CACNA1E: variants seen among roughly 807,000 people sequenced by gnomAD.
CACNA1E encodes calcium voltage-gated channel subunit alpha1 E.
A neutral mutation model predicts 259.2 loss-of-function variants in CACNA1E; 40 were observed. The observed-to-expected ratio is 0.15, with a 90% CI of 0.12 to 0.20. The LOEUF (loss-of-function observed/expected upper bound fraction) is 0.20, where lower values mean the gene tolerates loss of function less well. CACNA1E is among the 10% of genes least tolerant of loss of function. The pLI is 1.00. For missense variants in CACNA1E, 1,874 were observed against 3,040.1 expected (o/e 0.62, Z 9.02); for synonymous variants, 1,104 against 1,138.5 (o/e 0.97, Z 0.61).
intron 1 of CACNA1E, among the ~76,000 whole-genome samples, chr1:181,363,582 C>T (rs1290463994): frequency 1.3e-5 from 2 of 152,186 alleles, no homozygotes; most frequent in Admixed American, 6.5e-5. Context: ...CCAGCCTCAG[C>T]CTGACCCCTC....
rs146441036 is a variant in CACNA1E, at chr1:181,477,146, T to C, written c.435-6598T>C. 7.7e-3 allele frequency among the ~76,000 whole-genome samples: 1,175 copies of C among 152,142 alleles called. 13 individuals are homozygous for C. Among genetic ancestry groups the C allele is most frequent in the African/African-American group, 0.025 (1,026 of 41,476 alleles). On this transcript the variant is annotated intron_variant, in intron 2 of 11. Transcript: ENST00000524607. ...AATTAACTCCATGCATCTTGTGTAC[T>C]GCCCCCCTCCCCACCCCCCAAAACA...
intron 6 of CACNA1E, among the ~76,000 whole-genome samples, chr1:181,623,443 G>A (rs1655906991): frequency 6.6e-6 from 1 of 152,120 alleles, no homozygotes; most frequent in Non-Finnish European, 1.5e-5. Context: ...ATTTGAGGAT[G>A]GGTATTTTTT....
intron 1 of CACNA1E, among the ~76,000 whole-genome samples, chr1:181,321,630 C>T (rs1394761160): frequency 6.6e-6 from 1 of 152,146 alleles, no homozygotes; most frequent in African/African-American, 2.4e-5. Context: ...TCCTCTCTAT[C>T]ATAAAGGCAA....
intron 3 of CACNA1E, among the ~76,000 whole-genome samples, chr1:181,544,191 G>A (rs1051369954): frequency 2.0e-5 from 3 of 152,162 alleles, no homozygotes; most frequent in Admixed American, 2.0e-4. Context: ...ACATAAAGAA[G>A]TTCCTCACAA....
chr1:181,631,123 G>A (rs1350528268), intron 6 of CACNA1E, among the ~76,000 whole-genome samples: 1 of 152,202 alleles, frequency 6.6e-6, no homozygotes, highest in Non-Finnish European at 1.5e-5. Flanking sequence ...GCAGAATAGG[G>A]GAGCTTTCTC....
chr1:181,625,842 TG>T (rs767290840), intron 6 of CACNA1E, among the ~76,000 whole-genome samples: 11 of 152,356 alleles, frequency 7.2e-5, no homozygotes, highest in Non-Finnish European at 1.5e-4. Flanking sequence ...GCCTTCGCCA[TG>T]CCTTCCTCAC....
intron 3 of CACNA1E, among the ~76,000 whole-genome samples, chr1:181,539,820 C>G (rs944894006): frequency 6.6e-6 from 1 of 152,114 alleles, no homozygotes; most frequent in Non-Finnish European, 1.5e-5. Flanking sequence ...GAAGATAGAC[C>G]CAGAGTTTAG....
intron 7 of CACNA1E, among the ~76,000 whole-genome samples, chr1:181,684,534 C>T (rs1198824358): frequency 6.6e-6 from 1 of 152,084 alleles, no homozygotes; most frequent in African/African-American, 2.4e-5. Flanking sequence ...TTAGAGTCTA[C>T]ATCATGAAAT....
At chr1:181,472,245 G>C (rs750096973) in intron 2 of CACNA1E, among the ~76,000 whole-genome samples, 3 of 151,550 alleles carry the variant, frequency 2.0e-5, no homozygotes, top group Non-Finnish European at 2.9e-5. Context: ...GGAGGAAGTA[G>C]GGAGACGTAG....
Position 181,349,115 on chromosome 1 carries a change from C to T in CACNA1E, c.-15+30992C>T, listed in dbSNP as rs563437630. 2.2e-3 allele frequency among the ~76,000 whole-genome samples: 184 copies of T among 84,234 alleles called. 1 individual carries two copies. Among genetic ancestry groups the T allele is most frequent in the African/African-American group, 7.8e-3 (173 of 22,268 alleles). 55.3% of individuals were successfully genotyped at this position (84,234 alleles called of 152,430 possible). On this transcript the variant is annotated intron_variant, in intron 1 of 11. Coordinates refer to the CACNA1E transcript ENST00000524607. The stretch of plus-strand genomic sequence containing the variant: ...ACCCACGGGAAGAGCAGGGAGGGGG[C>T]GGGCTTGGGTGGGCTGCTGTTATGG...
At chr1:181,526,856 G>A (rs563480374) in intron 3 of CACNA1E, among the ~76,000 whole-genome samples, 3 of 152,272 alleles carry the variant, frequency 2.0e-5, no homozygotes, top group African/African-American at 7.2e-5. Flanking sequence ...GATATATGTT[G>A]AGCATTTGAA....
chr1:181,400,597 G>T (rs1657026803), intron 1 of CACNA1E, among the ~76,000 whole-genome samples: 1 of 152,058 alleles, frequency 6.6e-6, no homozygotes, highest in African/African-American at 2.4e-5. Flanking sequence ...ACCCCTTTAG[G>T]ACCATTGGCA....
chr1:181,408,779 G>A (rs1446730940), intron 1 of CACNA1E, among the ~76,000 whole-genome samples: 1 of 152,232 alleles, frequency 6.6e-6, no homozygotes, highest in Admixed American at 6.5e-5. Flanking sequence ...GTTAGAGTCA[G>A]ACTGGTGCTC....
At chr1:181,720,441 C>A in intron 14 of CACNA1E, 104 bp downstream of exon 14, 1 of 1,309,326 alleles carries the variant, frequency 7.6e-7, no homozygotes, top group Non-Finnish European at 1.1e-6. Flanking sequence ...ATCCTGTCTG[C>A]CTTTGCCCAT....
At chr1:181,463,280 T>C (rs1387722530) in intron 2 of CACNA1E, among the ~76,000 whole-genome samples, 1 of 152,168 alleles carries the variant, frequency 6.6e-6, no homozygotes, top group Non-Finnish European at 1.5e-5. Context: ...ACATAACTTA[T>C]ATGGGCTCTC....
intron 8 of CACNA1E, 150 bp from the exon 9 acceptor site, chr1:181,715,188 T>G: frequency 1.6e-6 from 1 of 618,730 alleles, no homozygotes; most frequent in Non-Finnish European, 2.9e-6. Context: ...CTGTGACACT[T>G]GCTTTCTTTC....
In CACNA1E at chr1:181,573,645, T is replaced by C. The variant is rs113026086; in HGVS notation, c.513-4121T>C. 7.9e-3 allele frequency among the ~76,000 whole-genome samples: 1,200 copies of C among 152,274 alleles called. 22 individuals carry two copies. The highest frequency in any genetic ancestry group is 0.028 in the African/African-American group (1,162 of 41,548). ...TAAAAAGTCAAGGAAAAACAGATGG[T>C]AGAGAAATAGGAATGCTTTTACACT... On this transcript the variant is annotated intron_variant, in intron 3 of 47. Coordinates refer to ENST00000367573, the MANE Select transcript of CACNA1E (RefSeq NM_001205293.3).
intron 1 of CACNA1E, among the ~76,000 whole-genome samples, chr1:181,501,335 G>A (rs767168279): frequency 5.9e-5 from 9 of 152,194 alleles, no homozygotes; most frequent in Non-Finnish European, 8.8e-5. Flanking sequence ...CCATCCTTTG[G>A]GAATCAGGGC....
intron 7 of CACNA1E, among the ~76,000 whole-genome samples, chr1:181,694,581 C>G (rs984474394): frequency 2.6e-5 from 4 of 152,188 alleles, no homozygotes; most frequent in Non-Finnish European, 5.9e-5. Flanking sequence ...CCATTACACC[C>G]TTCTGCCATG....
Sources: gnomAD v4.1 joint callset for allele counts (sites outside exome capture counted in the v4.1 genomes callset) on GRCh38, gnomAD v4.1.1 for gene constraint, MANE v1.5 for transcripts, NCBI Gene and HGNC (gene_info 2026-07-23, HGNC 2026-07-21) for gene names.